Variants in GRIN2A observed in about 807,000 individuals in gnomAD.
The protein encoded by GRIN2A is glutamate ionotropic receptor NMDA type subunit 2A.
Under a neutral mutation model 113.4 loss-of-function variants are expected in GRIN2A, and 22 were observed. The ratio of observed to expected loss-of-function variants is 0.19; its 90% confidence interval spans 0.14 to 0.28. The LOEUF is 0.28. Ranked by LOEUF, GRIN2A falls within the 10% of genes least tolerant of loss-of-function variation. The pLI is 1.00. For missense variants in GRIN2A, 1,502 were observed against 1,887.0 expected, an observed-to-expected ratio of 0.80 and a Z score of 3.78; for synonymous variants, 827 against 738.4, an observed-to-expected ratio of 1.12 and a Z score of -1.94.
intron 2 of GRIN2A, among the ~76,000 whole-genome samples, chr16:9,946,869 T>C (rs1470405862): frequency 1.3e-5 from 2 of 152,202 alleles, no homozygotes; most frequent in African/African-American, 4.8e-5. Context: ...GATCGAGAGT[T>C]ACCAAGTTCT....
intron 2 of GRIN2A, among the ~76,000 whole-genome samples, chr16:10,092,934 G>A (rs147733059): frequency 1.3e-5 from 2 of 151,132 alleles, no homozygotes; most frequent in African/African-American, 2.4e-5. Flanking sequence ...TGCCTCCTGG[G>A]TTCAAGCAAT....
At chr16:10,015,317 A>G (rs1241068570) in intron 2 of GRIN2A, among the ~76,000 whole-genome samples, 10 of 150,792 alleles carry the variant, frequency 6.6e-5, no homozygotes, top group Non-Finnish European at 7.4e-5. Context: ...AAAAAAAGAA[A>G]TAACTAGAAT....
intron 4 of GRIN2A, among the ~76,000 whole-genome samples, chr16:9,889,639 T>G (rs2141478219): frequency 6.6e-6 from 1 of 152,278 alleles, no homozygotes; most frequent in East Asian, 1.9e-4. Flanking sequence ...ATTCCTCAAA[T>G]TTTGATATTT....
rs1440267181 is a variant in GRIN2A at position 9,757,026 on chromosome 16, A to G, written c.*6123T>C. 2 of 200,806 alleles carry G rather than the reference A, an allele frequency of 1.0e-5. No homozygotes were observed. Among genetic ancestry groups the G allele is most frequent in the Admixed American group, 6.0e-5 (1 of 16,686 alleles). The allele number at this position is 200,806 out of a possible 1,614,324, so 12.4% of individuals were successfully genotyped here. ...TATCAGAAGGGTTCTTCAAATGTCA[A>G]AAACAAAACCAAACAAAAAAGCTTT... is the stretch of plus-strand genomic sequence containing the variant. On this transcript the variant is annotated 3_prime_UTR_variant, in exon 13 of 13. Transcript: ENST00000330684.
chr16:10,106,907 GC>G (rs1596512577), intron 2 of GRIN2A, among the ~76,000 whole-genome samples: 1 of 152,242 alleles, frequency 6.6e-6, no homozygotes, highest in East Asian at 1.9e-4. Context: ...CCGAGAACAT[GC>G]CAGAATAGAC....
intron 2 of GRIN2A, among the ~76,000 whole-genome samples, chr16:10,012,184 G>A (rs1028250034): frequency 1.3e-5 from 2 of 152,158 alleles, no homozygotes; most frequent in African/African-American, 4.8e-5. Flanking sequence ...TTTTTAATGT[G>A]TTATGCTTTG....
chr16:9,945,061 C>T (rs1279542241), intron 2 of GRIN2A, among the ~76,000 whole-genome samples: 5 of 152,118 alleles, frequency 3.3e-5, no homozygotes, highest in Non-Finnish European at 5.9e-5. Context: ...TGGCTCATGC[C>T]TGTAATCCCA....
chr16:10,078,461 G>C (rs1031238789), intron 2 of GRIN2A, among the ~76,000 whole-genome samples: 1 of 116,162 alleles, frequency 8.6e-6, no homozygotes, highest in Non-Finnish European at 1.8e-5. Flanking sequence ...GATTAGGCAA[G>C]ACAAGGGGGG....
rs1334703333 is a variant in GRIN2A, at chr16:9,805,234, AG to A, written c.2169-6771del. 2.0e-5 allele frequency among the ~76,000 whole-genome samples: 3 copies of A among 152,314 alleles called. No individual in the cohort carries two copies. The East Asian group carries it at 5.8e-4, about 29-fold the overall frequency. ...AGCGGCTTGACATTTCCTAATCAAAAGTTTCCGGTTTTAGCTCATCATCTTC... is the reference window on the plus strand; with the variant it reads ...AGCGGCTTGACATTTCCTAATCAAAATTTCCGGTTTTAGCTCATCATCTTC... On this transcript the variant is annotated intron_variant, in intron 10 of 12. Coordinates refer to ENST00000330684, the MANE Select transcript of GRIN2A (RefSeq NM_001134407.3).
At chr16:10,079,368 G>C (rs889560804) in intron 2 of GRIN2A, among the ~76,000 whole-genome samples, 1 of 152,204 alleles carries the variant, frequency 6.6e-6, no homozygotes, top group Non-Finnish European at 1.5e-5. Flanking sequence ...CCTGAAGAAT[G>C]AGATGGAGAC....
intron 3 of GRIN2A, among the ~76,000 whole-genome samples, chr16:9,904,370 T>TTTTTC (rs1176287480): frequency 3.3e-5 from 5 of 152,090 alleles, no homozygotes; most frequent in African/African-American, 1.2e-4. Context: ...TTTCTTTTTC[T>TTTTTC]TTTTCTTTTC....
chr16:10,112,625 G>C (rs1278452100), intron 2 of GRIN2A: 1 of 768,666 alleles, frequency 1.3e-6, no homozygotes. Context: ...GCATGGGCTC[G>C]CTAGATGCCA....
intron 2 of GRIN2A, among the ~76,000 whole-genome samples, chr16:10,081,868 A>G (rs2047991277): frequency 6.6e-6 from 1 of 152,196 alleles, no homozygotes; most frequent in South Asian, 2.1e-4. Flanking sequence ...CCATTTTCAG[A>G]TTGGTAAGCT....
In GRIN2A at chr16:9,930,978, T is replaced by C. The variant is rs60149941; in HGVS notation, c.1007+6981A>G. ...TGGTTTTTAAAGCTGAAGCCTGACT[T>C]CATAACTCAAGAAGTCAATCCAAAA... On this transcript the variant is annotated intron_variant, in intron 3 of 12. Transcript: ENST00000330684. Among the ~76,000 whole-genome samples, 881 of 152,336 alleles carry C rather than the reference T, an allele frequency of 5.8e-3. 12 individuals carry two copies. Among genetic ancestry groups the C allele is most frequent in the African/African-American group, 0.02 (819 of 41,554 alleles).
At chr16:9,786,416 A>G (rs1902234417) in intron 11 of GRIN2A, among the ~76,000 whole-genome samples, 2 of 152,146 alleles carry the variant, frequency 1.3e-5, no homozygotes, top group African/African-American at 4.8e-5. Flanking sequence ...GGCATGGACG[A>G]GTCTCCTTCA....
chr16:9,798,905 G>C (rs1199705685), intron 10 of GRIN2A, among the ~76,000 whole-genome samples: 4 of 152,172 alleles, frequency 2.6e-5, no homozygotes, highest in Non-Finnish European at 5.9e-5. Flanking sequence ...AAATACATGT[G>C]CTGCTTATTT....
At chr16:10,142,837 C>T (rs1366339388) in intron 2 of GRIN2A, among the ~76,000 whole-genome samples, 1 of 152,200 alleles carries the variant, frequency 6.6e-6, no homozygotes, top group African/African-American at 2.4e-5. Flanking sequence ...GTAAAATTCT[C>T]GGGTCTCATC....
At chr16:10,112,809 G>A in intron 2 of GRIN2A, 1 of 661,614 alleles carries the variant, frequency 1.5e-6, no homozygotes, top group Non-Finnish European at 2.8e-6. Flanking sequence ...GCTCAAATTT[G>A]AGAAGTGGAC....
chr16:9,856,557 C>A (rs2042972147), intron 4 of GRIN2A, among the ~76,000 whole-genome samples: 1 of 147,514 alleles, frequency 6.8e-6, no homozygotes, highest in African/African-American at 2.5e-5. Context: ...CCCGGGAGGC[C>A]GAGCTTGCAG....
Sources: gnomAD v4.1 joint callset for allele counts (sites outside exome capture counted in the v4.1 genomes callset) on GRCh38, gnomAD v4.1.1 for gene constraint, MANE v1.5 for transcripts, NCBI Gene and HGNC (gene_info 2026-07-23, HGNC 2026-07-21) for gene names.